CX3CR1: variants seen among roughly 807,000 people sequenced by gnomAD.
CX3CR1 encodes the protein C-X3-C motif chemokine receptor 1.
For synonymous variants in CX3CR1, 168 were observed against 178.5 expected, an observed-to-expected ratio of 0.94 and a Z score of 0.47; for missense variants, 363 against 432.4, an observed-to-expected ratio of 0.84 and a Z score of 1.42.
intron 1 of CX3CR1, among the ~76,000 whole-genome samples, chr3:39,269,891 A>G (rs550618785): frequency 3.3e-5 from 5 of 152,360 alleles, no homozygotes; most frequent in Admixed American, 2.6e-4. Context: ...AGCAGTACCA[A>G]TATCGCTTTC....
In CX3CR1 at chr3:39,266,174, G is replaced by A. The variant is rs1243112156; in HGVS notation, c.336C>T (p.Gly112=). 2 of 1,614,082 alleles carry A rather than the reference G, an allele frequency of 1.2e-6. No individual in the cohort carries two copies. The highest frequency in any genetic ancestry group is 1.3e-5 in the African/African-American group (1 of 74,918). Residue 112 remains glycine, a synonymous_variant, in exon 2 of 2, where the codon GGC becomes GGT. Coordinates refer to ENST00000399220, the MANE Select transcript of CX3CR1 (RefSeq NM_001337.4). ...CKFTTAFFFI[G]FFGSIFFITV... ...TGATGAAGAATATGCTTCCAAAAAAGCCGATGAAGAAGAAGGCGGTAGTGA... is the reference window on the plus strand; with the variant it reads ...TGATGAAGAATATGCTTCCAAAAAAACCGATGAAGAAGAAGGCGGTAGTGA...
upstream of CX3CR1, among the ~76,000 whole-genome samples, chr3:39,283,371 C>T (rs1031042634): frequency 1.3e-4 from 20 of 152,098 alleles, no homozygotes; most frequent in Admixed American, 8.5e-4. Context: ...TCCAAGGTGG[C>T]GAAAATTGGT....
the CX3CR1 span, among the ~76,000 whole-genome samples, chr3:39,288,453 T>A: frequency 3.3e-5 from 5 of 152,142 alleles, no homozygotes; most frequent in African/African-American, 1.2e-4. Context: ...TAATCTACAG[T>A]CATCAGATAC....
intron 1 of CX3CR1, among the ~76,000 whole-genome samples, chr3:39,271,758 TG>T: frequency 6.6e-6 from 1 of 152,232 alleles, no homozygotes; most frequent in Non-Finnish European, 1.5e-5. Flanking sequence ...ATAAAAAATC[TG>T]ACATCGCTGA....
Position 39,265,766 on chromosome 3 carries a change from G to T in CX3CR1, c.744C>A (p.Asn248Lys). 6.2e-7 allele frequency: 1 copy of T among 1,614,172 alleles called. No individual in the cohort carries two copies. Among genetic ancestry groups the T allele is most frequent in the African/African-American group, 1.3e-5 (1 of 75,038 alleles). ...IVFFLFWTPYNVMIFLETLKL... is the reference protein window; with the variant it reads ...IVFFLFWTPYKVMIFLETLKL... ...TAAGCGTCTCCAGGAAAATCATAAC[G>T]TTGTAGGGTGTCCAGAAGAGGAAAA... is the stretch of plus-strand genomic sequence containing the variant. The change falls in exon 2 of 2, where the codon AAC (asparagine) becomes AAA (lysine). Residue 248 changes from asparagine to lysine, a missense_variant. Transcript: ENST00000399220.
intron 1 of CX3CR1, among the ~76,000 whole-genome samples, chr3:39,278,572 A>G (rs552347182): frequency 2.8e-5 from 1 of 35,486 alleles, no homozygotes; most frequent in African/African-American, 9.3e-5. Flanking sequence ...ACGTGGTTCA[A>G]TTTTCCTTTT....
chr3:39,288,436 C>T, the CX3CR1 span, among the ~76,000 whole-genome samples: 1 of 152,176 alleles, frequency 6.6e-6, no homozygotes, highest in Non-Finnish European at 1.5e-5. Flanking sequence ...GCTCAGGAAA[C>T]TTAAGGTAAT....
upstream of CX3CR1, among the ~76,000 whole-genome samples, chr3:39,283,424 A>G (rs76718716): frequency 0.017 from 2,655 of 152,270 alleles, 71 homozygotes; most frequent in African/African-American, 0.06. Flanking sequence ...ACAGATATAC[A>G]TATAGTAGCT....
chr3:39,269,633 T>C (rs544588251), intron 1 of CX3CR1, among the ~76,000 whole-genome samples: 1 of 152,350 alleles, frequency 6.6e-6, no homozygotes, highest in East Asian at 1.9e-4. Flanking sequence ...AATGGCTGGT[T>C]ATGGGCATCC....
At chr3:39,267,716 C>T (rs1236781959) in intron 1 of CX3CR1, among the ~76,000 whole-genome samples, 3 of 152,228 alleles carry the variant, frequency 2.0e-5, no homozygotes, top group African/African-American at 4.8e-5. Flanking sequence ...GTCTGCTGGG[C>T]TAGTCTCCGG....
At chr3:39,291,763 A>C in the CX3CR1 span, among the ~76,000 whole-genome samples, 4 of 152,258 alleles carry the variant, frequency 2.6e-5, no homozygotes, top group African/African-American at 9.6e-5. Context: ...CAAGAAAGTT[A>C]GAGAAGTAAC....
intron 1 of CX3CR1, among the ~76,000 whole-genome samples, chr3:39,278,904 C>T (rs2040868421): frequency 6.6e-6 from 1 of 152,098 alleles, no homozygotes; most frequent in Non-Finnish European, 1.5e-5. Flanking sequence ...CAAACCTGAG[C>T]CTGAGTATCC....
chr3:39,281,517 T>G, upstream of CX3CR1: 5 of 1,127,444 alleles, frequency 4.4e-6, no homozygotes, highest in Non-Finnish European at 6.5e-6. Flanking sequence ...TCCGTGTTCA[T>G]GAGCACACAT....
chr3:39,284,151 A>G (rs1452804200), upstream of CX3CR1, among the ~76,000 whole-genome samples: 1 of 151,982 alleles, frequency 6.6e-6, no homozygotes, highest in Non-Finnish European at 1.5e-5. Context: ...GGAGTGATTA[A>G]AAAAAGCTGA....
chr3:39,281,817 C>A, upstream of CX3CR1: 1 of 730,258 alleles, frequency 1.4e-6, no homozygotes, highest in Non-Finnish European at 2.4e-6. Flanking sequence ...CCCTTCCCAA[C>A]TCACCTGGCT....
chr3:39,279,802 C>T (rs1030255726), intron 1 of CX3CR1, among the ~76,000 whole-genome samples, 152 bp downstream of exon 1: 1 of 152,200 alleles, frequency 6.6e-6, no homozygotes, highest in Non-Finnish European at 1.5e-5. Context: ...CCTTGCCTCC[C>T]ACTCTTCCAT....
At chr3:39,284,018 T>C (rs1422453690), upstream of CX3CR1, among the ~76,000 whole-genome samples, 1 of 151,564 alleles carries the variant, frequency 6.6e-6, no homozygotes, top group Non-Finnish European at 1.5e-5. Flanking sequence ...CCCCATTTCC[T>C]CTGATGTGAT....
chr3:39,272,283 C>A (rs1163845293), intron 1 of CX3CR1, among the ~76,000 whole-genome samples: 2 of 152,220 alleles, frequency 1.3e-5, no homozygotes, highest in African/African-American at 4.8e-5. Context: ...TACTAAATGG[C>A]CTTGAGCTGG....
the CX3CR1 span, among the ~76,000 whole-genome samples, chr3:39,288,835 C>T: frequency 1.3e-5 from 2 of 152,180 alleles, no homozygotes; most frequent in African/African-American, 4.8e-5. Context: ...TGGCTTAGGG[C>T]GAGATATTTC....
Sources: allele counts gnomAD v4.1 joint callset (sites outside exome capture counted in the v4.1 genomes callset), GRCh38; gene constraint gnomAD v4.1.1; transcripts MANE v1.5; gene names NCBI Gene and HGNC (gene_info 2026-07-23, HGNC 2026-07-21).